ADAMTS2: variants seen among roughly 807,000 people sequenced by gnomAD.
The protein encoded by ADAMTS2 is ADAM metallopeptidase with thrombospondin type 1 motif 2.
In ADAMTS2, 50 loss-of-function variants were observed where a neutral mutation model predicts 123.0. The observed-to-expected ratio is 0.41, with a 90% CI of 0.32 to 0.51. The LOEUF is 0.51. Among genes scored for constraint, ADAMTS2 ranks in the 20% least tolerant of loss-of-function variants. The pLI is 0.35. For synonymous variants in ADAMTS2, 678 were observed against 695.4 expected, an observed-to-expected ratio of 0.98 and a Z score of 0.39; for missense variants, 1,494 against 1,705.2, an observed-to-expected ratio of 0.88 and a Z score of 2.18.
intron 3 of ADAMTS2, among the ~76,000 whole-genome samples, chr5:179,219,029 C>T (rs1765065752): frequency 6.6e-6 from 1 of 152,180 alleles, no homozygotes; most frequent in Admixed American, 6.5e-5. Flanking sequence ...ACCACCCTCC[C>T]CTATTTGCAC....
chr5:179,175,509 G>C lies in ADAMTS2; in HGVS notation c.975+5563C>G, dbSNP rs1305228513. Reference sequence around the variant, plus strand: ...TTCCAATGGGTCCATTGTCTTGTCAGGACTATTCCAGGTATTCTACATTTT... The same window carrying C: ...TTCCAATGGGTCCATTGTCTTGTCACGACTATTCCAGGTATTCTACATTTT... On this transcript the variant is annotated intron_variant, in intron 5 of 21. Transcript: ENST00000251582. The surrounding 1 kb of genome is among the most constrained non-coding windows in gnomAD (Gnocchi z 4.1). 6.6e-6 allele frequency among the ~76,000 whole-genome samples: 1 copy of C among 152,142 alleles called. No homozygotes were observed. The highest frequency in any genetic ancestry group is 2.4e-5 in the African/African-American group (1 of 41,424).
rs35916564 is a variant in ADAMTS2, at chr5:179,256,529, T to TGA, written c.688+16380_688+16381dup. On this transcript the variant is annotated intron_variant, in intron 3 of 21. Transcript: ENST00000251582. The surrounding 1 kb of genome is among the most constrained non-coding windows in gnomAD (Gnocchi z 4.1). ...GGGTGTGTGCATGCCTGCGTGTGTG[T>TGA]GAGAGAGAGAGAGGAGAGAGAGACG... is the stretch of plus-strand genomic sequence containing the variant. Among the ~76,000 whole-genome samples, 3 of 151,202 alleles carry TGA rather than the reference T, an allele frequency of 2.0e-5. No individual in the cohort carries two copies. Among genetic ancestry groups the TGA allele is most frequent in the African/African-American group, 7.3e-5 (3 of 41,240 alleles).
intron 3 of ADAMTS2, among the ~76,000 whole-genome samples, chr5:179,265,697 C>G (rs1480394924): frequency 1.3e-5 from 2 of 152,230 alleles, no homozygotes; most frequent in African/African-American, 2.4e-5. Flanking sequence ...CGCCGGCCCC[C>G]GCCCACCCCT....
chr5:179,318,270 A>G (rs1757056785), intron 2 of ADAMTS2, among the ~76,000 whole-genome samples: 1 of 152,262 alleles, frequency 6.6e-6, no homozygotes, highest in African/African-American at 2.4e-5. Context: ...ACTCTGAAGA[A>G]CTGCGATGCG....
chr5:179,345,356 C>A lies in ADAMTS2; in HGVS notation c.-28G>T. 8.9e-7 allele frequency: 1 copy of A among 1,129,758 alleles called. No homozygotes were observed. The highest frequency in any genetic ancestry group is 1.1e-6 in the Non-Finnish European group (1 of 922,450). The allele number at this position is 1,129,758 out of a possible 1,614,324, so 70.0% of individuals were successfully genotyped here. ...CAGCCGGACTGCAGCCGGGGCCCCG[C>A]ACTCGCAGCCGGCGCGAAAGTTCCC... is the stretch of plus-strand genomic sequence containing the variant. On this transcript the variant is annotated 5_prime_UTR_variant, in exon 1 of 22. Transcript: ENST00000251582. The surrounding 1 kb of genome is among the most constrained non-coding windows in gnomAD (Gnocchi z 7.5).
At position 179,185,055 on chromosome 5, in the gene ADAMTS2, T is replaced by C. The variant is rs1298641582; in HGVS notation, c.892-3900A>G. The stretch of plus-strand genomic sequence containing the variant: ...GGCAGCCCATGCAAACCTCCCAGGG[T>C]TGGAAGCAGCGAGGCACCTTCCAAG... On this transcript the variant is annotated intron_variant, in intron 4 of 21. Transcript: ENST00000251582. This position sits in a 1 kb window ranked among gnomAD's most constrained non-coding sequence, Gnocchi z 5.9. 2.6e-5 allele frequency among the ~76,000 whole-genome samples: 4 copies of C among 151,690 alleles called. No homozygotes were observed. In the East Asian group the frequency reaches 7.8e-4, roughly 30 times the overall value.
chr5:179,213,262 G>A (rs1764902827), intron 3 of ADAMTS2, among the ~76,000 whole-genome samples: 3 of 152,148 alleles, frequency 2.0e-5, no homozygotes, highest in African/African-American at 2.4e-5. Context: ...ATCCCAAATT[G>A]AAATCAGCCC....
At chr5:179,182,019 G>C (rs1174047657) in intron 4 of ADAMTS2, among the ~76,000 whole-genome samples, 2 of 152,070 alleles carry the variant, frequency 1.3e-5, no homozygotes, top group Non-Finnish European at 2.9e-5. Context: ...CCCTAGCGCA[G>C]CCCCCTTCCT....
intron 3 of ADAMTS2, among the ~76,000 whole-genome samples, chr5:179,251,448 T>TG (rs1241471303): frequency 6.6e-6 from 1 of 152,122 alleles, no homozygotes; most frequent in African/African-American, 2.4e-5. Context: ...GGCCAGTGCC[T>TG]GAGGGGTCTG....
chr5:179,208,418 T>C (rs1415872382), intron 3 of ADAMTS2, among the ~76,000 whole-genome samples: 1 of 151,944 alleles, frequency 6.6e-6, no homozygotes, highest in East Asian at 1.9e-4. Context: ...CTGGCCTGAT[T>C]GAATTGTGCA....
chr5:179,214,185 TCA>T (rs1405265629), intron 3 of ADAMTS2, among the ~76,000 whole-genome samples: 1 of 87,422 alleles, frequency 1.1e-5, no homozygotes, highest in Non-Finnish European at 2.5e-5. Context: ...AAAATCGTGC[TCA>T]CAGTCACCAT....
chr5:179,254,401 A>C (rs1424155180), intron 3 of ADAMTS2, among the ~76,000 whole-genome samples: 1 of 152,208 alleles, frequency 6.6e-6, no homozygotes, highest in Non-Finnish European at 1.5e-5. Flanking sequence ...ATGGGGAGTG[A>C]CTGCTCTGGG....
rs550616176 is a variant in ADAMTS2, at chr5:179,197,535, A to G, written c.891+9978T>C. ...CACTTAAGCCCAGGTGATTGAGTCC[A>G]CCATGCAGCATAGCATGAACCTGTC... On this transcript the variant is annotated intron_variant, in intron 4 of 21. Coordinates refer to ENST00000251582, the MANE Select transcript of ADAMTS2 (RefSeq NM_014244.5). This position sits in a 1 kb window ranked among gnomAD's most constrained non-coding sequence, Gnocchi z 4.2. Among the ~76,000 whole-genome samples, 4 of 152,228 alleles carry G rather than the reference A, an allele frequency of 2.6e-5. No homozygotes were observed. In the South Asian group the frequency reaches 6.2e-4, roughly 24 times the overall value.
intron 2 of ADAMTS2, among the ~76,000 whole-genome samples, chr5:179,324,449 G>A (rs1389820332): frequency 6.8e-6 from 1 of 147,354 alleles, no homozygotes; most frequent in Admixed American, 6.7e-5. Flanking sequence ...GGAGTGCAGT[G>A]GTGCGATCTC....
In ADAMTS2 at chr5:179,181,145, A is replaced by G; in HGVS notation, c.902T>C (p.Ile301Thr). 6.2e-7 allele frequency: 1 copy of G among 1,613,696 alleles called. No homozygotes were observed. Among genetic ancestry groups the G allele is most frequent in the Non-Finnish European group, 8.5e-7 (1 of 1,179,686 alleles). ...LLTLMNIVNEIYHDESLGAHI... is the reference protein window; with the variant it reads ...LLTLMNIVNETYHDESLGAHI... ...GGCACCCAAGGACTCGTCATGGTAGATTTCATTGACCTGAAAGAAACAGGG... is the reference window on the plus strand; with the variant it reads ...GGCACCCAAGGACTCGTCATGGTAGGTTTCATTGACCTGAAAGAAACAGGG... The change falls in exon 5 of 22, where the codon ATC (isoleucine) becomes ACC (threonine). Residue 301 changes from isoleucine to threonine, a missense_variant. Ile to Thr is a moderately conservative substitution (Grantham distance 89, BLOSUM62 -1). Transcript: ENST00000251582. This position sits in a 1 kb window ranked among gnomAD's most constrained non-coding sequence, Gnocchi z 4.1.
chr5:179,121,681 G>A lies in ADAMTS2; in HGVS notation c.3158C>T (p.Pro1053Leu), dbSNP rs1762766337. 2 of 1,599,324 alleles carry A rather than the reference G, an allele frequency of 1.3e-6. No homozygotes were observed. Among genetic ancestry groups the A allele is most frequent in the Non-Finnish European group, 1.7e-6 (2 of 1,172,902 alleles). The change falls in exon 21 of 22, where the codon CCC becomes CTC. Residue 1053 changes from proline to leucine, a missense_variant. By Grantham distance (98) the Pro-to-Leu change is moderately conservative. This residue lies in a region of ADAMTS2 where 953 missense variants were observed against 1,124.7 expected (regional missense o/e 0.85). Coordinates refer to ENST00000251582, the MANE Select transcript of ADAMTS2 (RefSeq NM_014244.5). ...GTTACTTGACGAGATCTTCCGGATG[G>A]GCGAGTCGGGGTCCGGGCGGGACAG... is the stretch of plus-strand genomic sequence containing the variant. ...QWLSRPDPDSPIRKISSKGHC... is the reference protein window; with the variant it reads ...QWLSRPDPDSLIRKISSKGHC...
Position 179,272,929 on chromosome 5 carries a change from GCCC to G in ADAMTS2, c.667_669del (p.Gly223del). ...GCCTCACCTGTGTCCAGGGCCTGTG[GCCC>G]CCCGAGAGGAGGGGACGTGGGTGGC... On this transcript the variant is annotated inframe_deletion, in exon 3 of 22. Coordinates refer to ENST00000251582, the MANE Select transcript of ADAMTS2 (RefSeq NM_014244.5). This position sits in a 1 kb window ranked among gnomAD's most constrained non-coding sequence, Gnocchi z 5.8. 1.9e-6 allele frequency: 3 copies of G among 1,610,262 alleles called. No individual in the cohort carries two copies. Among genetic ancestry groups the G allele is most frequent in the African/African-American group, 1.3e-5 (1 of 75,032 alleles).
chr5:179,142,248 TG>T (rs778553929), intron 10 of ADAMTS2, among the ~76,000 whole-genome samples: 21 of 152,174 alleles, frequency 1.4e-4, no homozygotes, highest in Admixed American at 2.6e-4. Context: ...ACAAACAAAA[TG>T]TTAAACCAGC....
chr5:179,188,531 C>T lies in ADAMTS2; in HGVS notation c.892-7376G>A, dbSNP rs935240986. 2.6e-5 allele frequency among the ~76,000 whole-genome samples: 4 copies of T among 152,180 alleles called. No individual in the cohort carries two copies. Among genetic ancestry groups the T allele is most frequent in the African/African-American group, 4.8e-5 (2 of 41,432 alleles). On this transcript the variant is annotated intron_variant, in intron 4 of 21. Coordinates refer to ENST00000251582, the MANE Select transcript of ADAMTS2 (RefSeq NM_014244.5). The surrounding 1 kb of genome is among the most constrained non-coding windows in gnomAD (Gnocchi z 5.1). Reference sequence around the variant, plus strand: ...TCCCATTGCAGATCTTCTTCACCCTCGGCTCCTCAGCAGATGCTTCAGAGG... The same window carrying T: ...TCCCATTGCAGATCTTCTTCACCCTTGGCTCCTCAGCAGATGCTTCAGAGG...
Sources: gnomAD v4.1 joint callset for allele counts (sites outside exome capture counted in the v4.1 genomes callset) on GRCh38, gnomAD v4.1.1 for gene constraint, gnomAD v4.1.1 regional missense constraint, Gnocchi (gnomAD v3.1) non-coding constraint, MANE v1.5 for transcripts, NCBI Gene and HGNC (gene_info 2026-07-23, HGNC 2026-07-21) for gene names.